The following MTERF1 variants were observed in gnomAD, a reference collection of about 807,000 sequenced individuals.
MTERF1 encodes the protein mitochondrial transcription termination factor 1.
MTERF1 carries 29 observed loss-of-function variants against 31.6 expected under a neutral mutation model. That is an observed-to-expected ratio of 0.92 (90% confidence interval 0.68 to 1.25). The LOEUF is 1.25. MTERF1 is among the 50% of genes most tolerant of loss of function. The pLI, the probability that MTERF1 is intolerant of heterozygous loss-of-function variation, is 0.00. For synonymous variants in MTERF1, 152 were observed against 164.1 expected (o/e 0.93, Z 0.57); for missense variants, 500 against 469.1 (o/e 1.07, Z -0.61).
chr7:91,875,843 G>A (rs1789333065), intron 2 of MTERF1, among the ~76,000 whole-genome samples: 1 of 151,980 alleles, frequency 6.6e-6, no homozygotes, highest in South Asian at 2.1e-4. Context: ...ATCTCATTTG[G>A]TTTACCCTAT....
In MTERF1 at chr7:91,873,536, C is replaced by A. The variant is rs1331490803; in HGVS notation, c.*58G>T. 3.6e-6 allele frequency: 5 copies of A among 1,404,138 alleles called. No homozygotes were observed. The highest frequency in any genetic ancestry group is 4.8e-6 in the Non-Finnish European group (5 of 1,042,204). The allele number at this position is 1,404,138 out of a possible 1,614,324, so 87.0% of individuals were successfully genotyped here. ...TTAAATTAATCACTTCTGCAAAATT[C>A]TTTTGCAATGTGGCATAACATATTC... On this transcript the variant is annotated 3_prime_UTR_variant, in exon 3 of 3. Transcript: ENST00000351870.
chr7:91,873,496 G>T lies in MTERF1; in HGVS notation c.*98C>A. 9.9e-7 allele frequency: 1 copy of T among 1,005,064 alleles called. No individual in the cohort carries two copies. The highest frequency in any genetic ancestry group is 1.4e-6 in the Non-Finnish European group (1 of 701,840). 62.3% of individuals were successfully genotyped at this position (1,005,064 alleles called of 1,614,324 possible). ...TTCAGGATAATCTCCCCATCTCAAG[G>T]CCCTTAATAACATTTTAAATTAATC... is the stretch of plus-strand genomic sequence containing the variant. On this transcript the variant is annotated 3_prime_UTR_variant, in exon 3 of 3. Coordinates refer to ENST00000351870, the MANE Select transcript of MTERF1 (RefSeq NM_006980.5).
In MTERF1 at chr7:91,873,990, C is replaced by T. The variant is rs746427860; in HGVS notation, c.804G>A (p.Glu268=). The T allele has an allele frequency of 6.2e-7, 1 of 1,614,064 alleles. No individual in the cohort carries two copies. Among genetic ancestry groups the T allele is most frequent in the Non-Finnish European group, 8.5e-7 (1 of 1,180,030 alleles). Residue 268 remains glutamate (E), a synonymous_variant, in exon 3 of 3, where the codon GAG becomes GAA. Transcript: ENST00000351870. ...GACCACATATCAGAACCAGCAGTTC[C>T]TCACTGTTCAAATTGAAAGTTGACC... ...FLRSTFNLNS[E]ELLVLICGPG... is the part of the protein sequence containing the mutation.
intron 2 of MTERF1, among the ~76,000 whole-genome samples, chr7:91,875,229 C>G (rs1789318207): frequency 6.6e-6 from 1 of 151,898 alleles, no homozygotes; most frequent in Non-Finnish European, 1.5e-5. Flanking sequence ...CCCTCTCCAT[C>G]TCTGCTTTGT....
In MTERF1 at chr7:91,874,023, T is replaced by C. The variant is rs1455796471; in HGVS notation, c.771A>G (p.Glu257=). The part of the protein sequence containing the change: ...QSTKRVKANI[E]FLRSTFNLNS... ...TCAAATTGAAAGTTGACCGTAAGAA[T>C]TCAATGTTAGCTTTCACCCGCTTGG... is the stretch of plus-strand genomic sequence containing the variant. The change falls in exon 3 of 3, where the codon GAA becomes GAG. Residue 257 remains glutamate, a synonymous_variant. Coordinates refer to ENST00000351870, the MANE Select transcript of MTERF1 (RefSeq NM_006980.5). 2.5e-6 allele frequency: 4 copies of C among 1,614,086 alleles called. No homozygotes were observed. Among genetic ancestry groups the C allele is most frequent in the Non-Finnish European group, 3.4e-6 (4 of 1,180,014 alleles).
intron 2 of MTERF1, among the ~76,000 whole-genome samples, chr7:91,876,244 G>A (rs1056942365): frequency 6.6e-6 from 1 of 152,160 alleles, no homozygotes; most frequent in African/African-American, 2.4e-5. Context: ...AAAGTGTTCT[G>A]TTATTCAACC....
chr7:91,878,875 G>A (rs531038903), intron 2 of MTERF1, among the ~76,000 whole-genome samples: 1 of 152,194 alleles, frequency 6.6e-6, no homozygotes, highest in East Asian at 1.9e-4. Flanking sequence ...GAAAAAGGAT[G>A]ACTAGGCCAA....
intron 2 of MTERF1, among the ~76,000 whole-genome samples, chr7:91,874,977 A>G (rs1409215142): frequency 6.6e-6 from 1 of 151,828 alleles, no homozygotes; most frequent in Non-Finnish European, 1.5e-5. Flanking sequence ...GAAAAATTCT[A>G]CATGTTTTAT....
At position 91,873,426 on chromosome 7, in the gene MTERF1, C is replaced by T; in HGVS notation, c.*168G>A. ...TGACCTCCTCTTTTGCCTCCCTCTT[C>T]AACTTTTAAAGATCCCTACAATTAT... On this transcript the variant is annotated 3_prime_UTR_variant, in exon 3 of 3. Coordinates refer to ENST00000351870, the MANE Select transcript of MTERF1 (RefSeq NM_006980.5). 1 of 632,458 alleles carries T rather than the reference C, an allele frequency of 1.6e-6. No individual in the cohort carries two copies. Among genetic ancestry groups the T allele is most frequent in the Non-Finnish European group, 2.6e-6 (1 of 381,488 alleles). 39.2% of individuals were successfully genotyped at this position (632,458 alleles called of 1,614,324 possible). A position where few individuals can be genotyped will look rare whatever the true frequency, so the allele number is the denominator to read the frequency against.
intron 2 of MTERF1, chr7:91,877,036 T>C (rs1158370517): frequency 1.7e-6 from 1 of 599,608 alleles, no homozygotes; most frequent in Non-Finnish European, 2.1e-6. Flanking sequence ...AAAACTACAA[T>C]TTGTATTTGT....
chr7:91,876,388 A>G (rs1168613427), intron 2 of MTERF1, among the ~76,000 whole-genome samples: 1 of 152,182 alleles, frequency 6.6e-6, no homozygotes, highest in Non-Finnish European at 1.5e-5. Context: ...ATTACTTACA[A>G]TGGGCTCTTA....
At chr7:91,876,940 G>C (rs1467946293) in intron 2 of MTERF1, 5 of 985,276 alleles carry the variant, frequency 5.1e-6, no homozygotes, top group Non-Finnish European at 6.0e-6. Context: ...CTGGAATAAA[G>C]GGGCAGAATG....
At chr7:91,876,960 G>A (rs1326780853) in intron 2 of MTERF1, 1 of 984,876 alleles carries the variant, frequency 1.0e-6, no homozygotes, top group African/African-American at 1.7e-5. Flanking sequence ...GCGTCAGCTG[G>A]AAATCAGATC....
At position 91,874,070 on chromosome 7, in the gene MTERF1, G is replaced by A. The variant is rs143980432; in HGVS notation, c.724C>T (p.Pro242Ser). ...DFVRKIIFKNPFILIQSTKRV... is the reference protein window; with the variant it reads ...DFVRKIIFKNSFILIQSTKRV... Reference sequence around the variant, plus strand: ...TTGGTGCTCTGAATTAAGATAAAAGGGTTTTTAAAAATTATCTTTCTGACA... The same window carrying A: ...TTGGTGCTCTGAATTAAGATAAAAGAGTTTTTAAAAATTATCTTTCTGACA... Residue 242 changes from proline to serine, a missense_variant, in exon 3 of 3, where the codon CCT becomes TCT. Transcript: ENST00000351870. The A allele has an allele frequency of 1.9e-6, 3 of 1,613,882 alleles. No individual in the cohort carries two copies. The highest frequency in any genetic ancestry group is 1.1e-5 in the South Asian group (1 of 91,074).
Position 91,873,806 on chromosome 7 carries a change from C to T in MTERF1, c.988G>A (p.Asp330Asn). 1 of 1,614,122 alleles carries T rather than the reference C, an allele frequency of 6.2e-7. No individual in the cohort carries two copies. ...TCTTCCATGAGGCAGTCTATTTTAT[C>T]ATTAAACTTTTTCTCTGCCAAGAAG... ...VIFLAEKKFNDKIDCLMEENI... is the reference protein window; with the variant it reads ...VIFLAEKKFNNKIDCLMEENI... The change falls in exon 3 of 3, where the codon GAT becomes AAT. Residue 330 changes from aspartate to asparagine, a missense_variant. Physicochemically the swap from Asp to Asn is conservative, Grantham distance 23 (BLOSUM62 1). Coordinates refer to ENST00000351870, the MANE Select transcript of MTERF1 (RefSeq NM_006980.5).
Position 91,874,733 on chromosome 7 carries a change from T to A in MTERF1, c.61A>T (p.Met21Leu), listed in dbSNP as rs766900295. 1.9e-6 allele frequency: 3 copies of A among 1,612,858 alleles called. No individual in the cohort carries two copies. The highest frequency in any genetic ancestry group is 2.5e-6 in the Non-Finnish European group (3 of 1,179,520). The part of the protein sequence containing the change: ...ISKGLNYLTI[M>L]APGNLWHMRN... ...ATATGCCAGAGGTTTCCTGGTGCCA[T>A]AATGGTTAGGTAGTTCAAACCTTTT... Residue 21 changes from methionine (M) to leucine (L), a missense_variant, in exon 3 of 3, where the codon ATG becomes TTG. Coordinates refer to ENST00000351870, the MANE Select transcript of MTERF1 (RefSeq NM_006980.5).
At position 91,873,670 on chromosome 7, in the gene MTERF1, G is replaced by A; in HGVS notation, c.1124C>T (p.Thr375Ile). ...CCAAGATAGAAGAGTGATGTTTAAAGTACTCAAGTTACAGCCAGCATTTAC... is the reference window on the plus strand; with the variant it reads ...CCAAGATAGAAGAGTGATGTTTAAAATACTCAAGTTACAGCCAGCATTTAC... The part of the protein sequence containing the change: ...ELVNAGCNLS[T>I]LNITLLSWSK... Residue 375 changes from threonine (T) to isoleucine (I), a missense_variant, in exon 3 of 3, where the codon ACT becomes ATT. Transcript: ENST00000351870. The A allele has an allele frequency of 6.2e-7, 1 of 1,613,980 alleles. No individual in the cohort carries two copies. The highest frequency in any genetic ancestry group is 8.5e-7 in the Non-Finnish European group (1 of 1,179,970).
chr7:91,873,799 A>G lies in MTERF1; in HGVS notation c.995T>C (p.Ile332Thr). 6.2e-7 allele frequency: 1 copy of G among 1,614,142 alleles called. No homozygotes were observed. The highest frequency in any genetic ancestry group is 8.5e-7 in the Non-Finnish European group (1 of 1,180,016). The change falls in exon 3 of 3, where the codon ATA becomes ACA. Residue 332 changes from isoleucine to threonine, a missense_variant. Transcript: ENST00000351870. ...FLAEKKFNDKIDCLMEENISI... is the reference protein window; with the variant it reads ...FLAEKKFNDKTDCLMEENISI... ...AATGTTTTCTTCCATGAGGCAGTCT[A>G]TTTTATCATTAAACTTTTTCTCTGC...
chr7:91,875,209 A>T (rs533935364), intron 2 of MTERF1, among the ~76,000 whole-genome samples: 1 of 151,692 alleles, frequency 6.6e-6, no homozygotes, highest in East Asian at 1.9e-4. Context: ...GGCTACCTAA[A>T]ATCAGTTGAC....
Sources: gnomAD v4.1 joint callset for allele counts (sites outside exome capture counted in the v4.1 genomes callset) on GRCh38, gnomAD v4.1.1 for gene constraint, MANE v1.5 for transcripts, NCBI Gene and HGNC (gene_info 2026-07-23, HGNC 2026-07-21) for gene names.